Variants in ABTB3 observed in about 807,000 individuals in gnomAD.
The protein encoded by ABTB3 is ankyrin repeat and BTB domain containing 3.
chr12:107,363,995 C>T, the ABTB3 span, among the ~76,000 whole-genome samples: 1 of 152,144 alleles, frequency 6.6e-6, no homozygotes, highest in Non-Finnish European at 1.5e-5. Context: ...ACAACAGCAC[C>T]CCTGTCATAG....
At chr12:107,372,659 C>T in the ABTB3 span, among the ~76,000 whole-genome samples, 1 of 152,166 alleles carries the variant, frequency 6.6e-6, no homozygotes, top group Non-Finnish European at 1.5e-5. Flanking sequence ...TACACCCACC[C>T]CAGAGCCTCT....
At chr12:107,349,491 A>G in the ABTB3 span, among the ~76,000 whole-genome samples, 1 of 152,210 alleles carries the variant, frequency 6.6e-6, no homozygotes, top group Non-Finnish European at 1.5e-5. Flanking sequence ...ATGCAGATGG[A>G]AAGGCAGAGG....
the ABTB3 span, among the ~76,000 whole-genome samples, chr12:107,523,568 C>CT: frequency 6.6e-6 from 1 of 152,026 alleles, no homozygotes; most frequent in Non-Finnish European, 1.5e-5. Flanking sequence ...CTCCGGGTTT[C>CT]TTTTTTTCTT....
At chr12:107,507,788 A>T in the ABTB3 span, among the ~76,000 whole-genome samples, 1 of 152,068 alleles carries the variant, frequency 6.6e-6, no homozygotes, top group Admixed American at 6.5e-5. Flanking sequence ...CCCACCCCCT[A>T]GCCAGGTCAC....
At chr12:107,637,826 GTGTGTGTGGTA>G in the ABTB3 span, among the ~76,000 whole-genome samples, 2 of 129,102 alleles carry the variant, frequency 1.5e-5, no homozygotes, top group African/African-American at 5.2e-5. Flanking sequence ...GTGTGTGTGT[GTGTGTGTGGTA>G]TGGTGTCCTG....
the ABTB3 span, among the ~76,000 whole-genome samples, chr12:107,385,531 G>A: frequency 6.6e-6 from 1 of 152,184 alleles, no homozygotes; most frequent in Non-Finnish European, 1.5e-5. Context: ...GTCAGGGTTG[G>A]GGGTGGCCTG....
chr12:107,401,987 C>T, the ABTB3 span, among the ~76,000 whole-genome samples: 1 of 149,758 alleles, frequency 6.7e-6, no homozygotes, highest in Admixed American at 6.7e-5. Flanking sequence ...AGCCTCCCTG[C>T]CTGTTAGCCC....
At chr12:107,424,982 C>A in the ABTB3 span, among the ~76,000 whole-genome samples, 5,013 of 152,298 alleles carry the variant, frequency 0.033, 122 homozygotes, top group South Asian at 0.084. Context: ...AACTGGTCTC[C>A]CCACTCCAGT....
chr12:107,617,573 T>G, the ABTB3 span: 6 of 1,184,892 alleles, frequency 5.1e-6, no homozygotes, highest in Non-Finnish European at 6.9e-6. Context: ...GCCCCAGGTC[T>G]GGCCAGAGCG....
chr12:107,635,932 G>A, the ABTB3 span, among the ~76,000 whole-genome samples: 6 of 139,158 alleles, frequency 4.3e-5, no homozygotes, highest in Admixed American at 8.1e-5. Context: ...ATACCTGAGC[G>A]GCAGAGGCTG....
At chr12:107,561,855 C>T in the ABTB3 span, among the ~76,000 whole-genome samples, 1 of 152,194 alleles carries the variant, frequency 6.6e-6, no homozygotes, top group Admixed American at 6.5e-5. Context: ...ATTCCTTCTG[C>T]CTGGATTCTT....
At chr12:107,628,348 G>A in the ABTB3 span, among the ~76,000 whole-genome samples, 1 of 152,104 alleles carries the variant, frequency 6.6e-6, no homozygotes, top group South Asian at 2.1e-4. Context: ...TTACCATGTT[G>A]GTCAGGCTGG....
the ABTB3 span, among the ~76,000 whole-genome samples, chr12:107,605,694 C>T: frequency 6.6e-6 from 1 of 152,088 alleles, no homozygotes; most frequent in Non-Finnish European, 1.5e-5. Context: ...TTAAACTCAC[C>T]CTGACCTTGT....
At chr12:107,645,247 G>A in the ABTB3 span, among the ~76,000 whole-genome samples, 13 of 152,274 alleles carry the variant, frequency 8.5e-5, no homozygotes, top group South Asian at 2.7e-3. Context: ...GATTACAGGC[G>A]TGAGCCACTG....
At chr12:107,497,407 ACCAC>A in the ABTB3 span, among the ~76,000 whole-genome samples, 4 of 131,124 alleles carry the variant, frequency 3.1e-5, no homozygotes, top group African/African-American at 1.5e-4. Flanking sequence ...CATCATCATC[ACCAC>A]CATCACCATT....
the ABTB3 span, among the ~76,000 whole-genome samples, chr12:107,586,562 C>A: frequency 6.6e-6 from 1 of 152,194 alleles, no homozygotes; most frequent in East Asian, 1.9e-4. Flanking sequence ...TGTGGTGACC[C>A]ATTTGGAGCC....
chr12:107,471,679 G>C, the ABTB3 span, among the ~76,000 whole-genome samples: 1 of 152,188 alleles, frequency 6.6e-6, no homozygotes, highest in Non-Finnish European at 1.5e-5. Flanking sequence ...AAGAGACACA[G>C]AAGCAGCTTC....
chr12:107,356,611 G>A, the ABTB3 span, among the ~76,000 whole-genome samples: 2 of 152,144 alleles, frequency 1.3e-5, no homozygotes, highest in Non-Finnish European at 2.9e-5. Context: ...GGAAAAATTA[G>A]CTCTCATCTG....
chr12:107,497,205 CACCATCACCATCCCCACCTCT>C, the ABTB3 span, among the ~76,000 whole-genome samples: 1 of 134,038 alleles, frequency 7.5e-6, no homozygotes, highest in African/African-American at 2.7e-5. Context: ...TCACTATCAC[CACCATCACCATCCCCACCTCT>C]ACGCTCACCA....
Sources: gnomAD v4.1 joint callset for allele counts (sites outside exome capture counted in the v4.1 genomes callset) on GRCh38, gnomAD v4.1.1 for gene constraint, MANE v1.5 for transcripts, NCBI Gene and HGNC (gene_info 2026-07-23, HGNC 2026-07-21) for gene names.